The following SRSF12 variants were observed in gnomAD, a reference collection of about 807,000 sequenced individuals.
SRSF12 encodes the protein serine/arginine-rich splicing factor 12.
A neutral mutation model predicts 34.1 loss-of-function variants in SRSF12; 21 were observed. The ratio of observed to expected loss-of-function variants is 0.62; its 90% CI spans 0.44 to 0.89. The LOEUF is 0.89. Ranked by LOEUF, SRSF12 falls within the 40% of genes least tolerant of loss-of-function variation. The pLI, the probability that SRSF12 is intolerant of heterozygous loss-of-function variation, is 0.00. For missense variants in SRSF12, 278 were observed against 327.8 expected (o/e 0.85, Z 1.17); for synonymous variants, 111 against 110.8 (o/e 1.00, Z -0.01).
intron 4 of SRSF12, 58 bp from the exon 5 acceptor site, chr6:89,099,005 TA>T (rs1280511074): frequency 6.6e-7 from 1 of 1,516,628 alleles, no homozygotes; most frequent in East Asian, 2.3e-5. Flanking sequence ...GATCAGGAAA[TA>T]ACACTTTCAG....
chr6:89,111,893 T>C, intron 1 of SRSF12, among the ~76,000 whole-genome samples: 1 of 152,162 alleles, frequency 6.6e-6, no homozygotes, highest in South Asian at 2.1e-4. Context: ...TGGAGTTCCA[T>C]TAATACACTA....
chr6:89,111,225 C>T (rs78242306), intron 1 of SRSF12, among the ~76,000 whole-genome samples: 2,321 of 152,108 alleles, frequency 0.015, 58 homozygotes, highest in African/African-American at 0.051. Flanking sequence ...TCTCGTGCCT[C>T]AACCTCCCAA....
At position 89,097,810 on chromosome 6, in the gene SRSF12, AC is replaced by A. The variant is rs553808170; in HGVS notation, c.*767del. 5.5e-4 allele frequency: 84 copies of A among 152,352 alleles called. No individual in the cohort carries two copies. The highest frequency in any genetic ancestry group is 1.8e-3 in the Admixed American group (28 of 15,306). The allele number at this position is 152,352 out of a possible 1,614,324, so 9.4% of individuals were successfully genotyped here. ...TCAAATATGATTTTATACAAAATGT[AC>A]CATTCTTCAAATGTGTAAGTCTTAA... On this transcript the variant is annotated 3_prime_UTR_variant, in exon 5 of 5. Coordinates refer to ENST00000452027, the MANE Select transcript of SRSF12 (RefSeq NM_080743.5).
intron 1 of SRSF12, among the ~76,000 whole-genome samples, chr6:89,114,117 C>T (rs952397918): frequency 6.6e-6 from 1 of 152,126 alleles, no homozygotes; most frequent in African/African-American, 2.4e-5. Flanking sequence ...GATTTCTCAT[C>T]GGTAAAATGG....
chr6:89,117,714 G>C (rs1267323030), intron 1 of SRSF12, 109 bp downstream of exon 1: 1 of 1,124,396 alleles, frequency 8.9e-7, no homozygotes. Flanking sequence ...CCCGCGGGGA[G>C]GCTCCGCGCA....
intron 4 of SRSF12, among the ~76,000 whole-genome samples, chr6:89,103,614 A>T (rs1024349219): frequency 1.3e-5 from 2 of 152,134 alleles, no homozygotes; most frequent in African/African-American, 4.8e-5. Flanking sequence ...TACAGGCGTA[A>T]GCCACTGCGC....
chr6:89,105,366 TCA>T, intron 3 of SRSF12, 59 bp downstream of exon 3: 5 of 1,562,338 alleles, frequency 3.2e-6, no homozygotes, highest in Non-Finnish European at 4.3e-6. Context: ...AATTAAAAAA[TCA>T]GTCATCACTG....
At chr6:89,110,076 G>A (rs1768973860) in intron 1 of SRSF12, among the ~76,000 whole-genome samples, 1 of 151,084 alleles carries the variant, frequency 6.6e-6, no homozygotes, top group Admixed American at 6.6e-5. Context: ...GGGCAACAGA[G>A]CAAGACTCTG....
intron 4 of SRSF12, among the ~76,000 whole-genome samples, chr6:89,102,194 A>T (rs1768565861): frequency 6.6e-6 from 1 of 152,074 alleles, no homozygotes; most frequent in Non-Finnish European, 1.5e-5. Context: ...CTCAGGCTGG[A>T]GTGCAGTGGG....
chr6:89,105,043 G>A (rs1455117374), intron 4 of SRSF12, 76 bp downstream of exon 4: 1 of 1,361,528 alleles, frequency 7.3e-7, no homozygotes, highest in South Asian at 1.5e-5. Context: ...GGGAAACAAT[G>A]AGACCCTATC....
intron 1 of SRSF12, 90 bp from the exon 2 acceptor site, chr6:89,107,348 A>C: frequency 1.1e-6 from 1 of 933,310 alleles, no homozygotes; most frequent in Non-Finnish European, 1.7e-6. Flanking sequence ...CTTCAAAAGA[A>C]AGAACATCAT....
At chr6:89,113,735 C>G (rs1769163326) in intron 1 of SRSF12, among the ~76,000 whole-genome samples, 1 of 152,170 alleles carries the variant, frequency 6.6e-6, no homozygotes, top group African/African-American at 2.4e-5. Flanking sequence ...CCTCGACCAC[C>G]TGGGCTCAGG....
chr6:89,098,609 G>T lies in SRSF12; in HGVS notation c.755C>A (p.Ser252Tyr). 2 of 1,613,068 alleles carry T rather than the reference G, an allele frequency of 1.2e-6. No homozygotes were observed. Among genetic ancestry groups the T allele is most frequent in the East Asian group, 4.5e-5 (2 of 44,866 alleles). The change falls in exon 5 of 5, where the codon TCT becomes TAT. Residue 252 changes from serine (S) to tyrosine (Y), a missense_variant. Ser to Tyr is a moderately radical substitution (Grantham distance 144). Coordinates refer to ENST00000452027, the MANE Select transcript of SRSF12 (RefSeq NM_080743.5). ...ACTGTTTTTATGACGATAACTTCGAGATCTGGAATGTGACCGAAAATGAGA... is the reference window on the plus strand; with the variant it reads ...ACTGTTTTTATGACGATAACTTCGATATCTGGAATGTGACCGAAAATGAGA... ...KHSHFRSHSRSRSYRHKNSW is the reference protein window; with the variant it reads ...KHSHFRSHSRYRSYRHKNSW
intron 4 of SRSF12, among the ~76,000 whole-genome samples, chr6:89,104,210 T>TAAAACTC (rs1196559232): frequency 1.3e-5 from 2 of 148,412 alleles, no homozygotes; most frequent in Admixed American, 6.9e-5. Flanking sequence ...TTTATTTATC[T>TAAAACTC]AAAACTCATC....
chr6:89,117,915 T>C lies in SRSF12; in HGVS notation c.-28A>G. 6.4e-7 allele frequency: 1 copy of C among 1,552,032 alleles called. No individual in the cohort carries two copies. Among genetic ancestry groups the C allele is most frequent in the South Asian group, 1.2e-5 (1 of 84,600 alleles). On this transcript the variant is annotated 5_prime_UTR_variant, in exon 1 of 5. Transcript: ENST00000452027. Reference sequence around the variant, plus strand: ...CCGCTTCCTCCGTTCCCTCCGGGTCTGCCCGCGGCCGCTGGACTCGCTCCG... The same window carrying C: ...CCGCTTCCTCCGTTCCCTCCGGGTCCGCCCGCGGCCGCTGGACTCGCTCCG...
intron 4 of SRSF12, among the ~76,000 whole-genome samples, chr6:89,103,793 T>G (rs569522304): frequency 8.5e-5 from 13 of 152,282 alleles, no homozygotes; most frequent in African/African-American, 3.1e-4. Context: ...TTCACTATTA[T>G]TCTAATAGAA....
In SRSF12 at chr6:89,098,597, C is replaced by T. The variant is rs373285065; in HGVS notation, c.767G>A (p.Arg256His). Residue 256 changes from arginine to histidine, a missense_variant, in exon 5 of 5, where the codon CGT becomes CAT. Coordinates refer to ENST00000452027, the MANE Select transcript of SRSF12 (RefSeq NM_080743.5). ...FRSHSRSRSY[R>H]HKNSW ...TGCTGTTCACCAACTGTTTTTATGA[C>T]GATAACTTCGAGATCTGGAATGTGA... is the stretch of plus-strand genomic sequence containing the variant. 10 of 1,611,004 alleles carry T rather than the reference C, an allele frequency of 6.2e-6. No individual in the cohort carries two copies. Among genetic ancestry groups the T allele is most frequent in the South Asian group, 3.3e-5 (3 of 90,884 alleles).
rs188779666 is a variant in SRSF12, at chr6:89,102,955, G to T, written c.416+2164C>A. On this transcript the variant is annotated intron_variant, in intron 4 of 4. Coordinates refer to ENST00000452027, the MANE Select transcript of SRSF12 (RefSeq NM_080743.5). ...TTTTTTTTAGTTTTTGTAGACATGG[G>T]GGTCTCACTATGTTGCCCAGGCTGG... is the stretch of plus-strand genomic sequence containing the variant. Among the ~76,000 whole-genome samples, 3 of 152,182 alleles carry T rather than the reference G, an allele frequency of 2.0e-5. No homozygotes were observed. In the East Asian group the frequency reaches 5.8e-4, roughly 29 times the overall value.
intron 1 of SRSF12, among the ~76,000 whole-genome samples, chr6:89,115,592 C>T (rs1431069988): frequency 6.7e-6 from 1 of 148,556 alleles, no homozygotes; most frequent in Admixed American, 6.7e-5. Flanking sequence ...TTATATTTTA[C>T]AGCTTTCAAA....
Sources: allele counts gnomAD v4.1 joint callset (sites outside exome capture counted in the v4.1 genomes callset), GRCh38; gene constraint gnomAD v4.1.1; transcripts MANE v1.5; gene names NCBI Gene and HGNC (gene_info 2026-07-23, HGNC 2026-07-21).